Variants in QTMAN observed in about 807,000 individuals in gnomAD.
The protein encoded by QTMAN is queuosine-tRNA mannosyltransferase, also known as tRNA-queuosine alpha-mannosyltransferase.
At chr2:144,019,435 GGTGTGT>G in the QTMAN span, among the ~76,000 whole-genome samples, 1,852 of 117,244 alleles carry the variant, frequency 0.016, 30 homozygotes, top group African/African-American at 0.022. Flanking sequence ...TAAGCATGCA[GGTGTGT>G]GTGTGTGTGT....
chr2:144,239,204 C>T, the QTMAN span, among the ~76,000 whole-genome samples: 1 of 151,014 alleles, frequency 6.6e-6, no homozygotes, highest in Non-Finnish European at 1.5e-5. Flanking sequence ...AAAGTGGATG[C>T]TACAAGCTAT....
chr2:144,066,884 C>T, the QTMAN span, among the ~76,000 whole-genome samples: 2 of 152,190 alleles, frequency 1.3e-5, no homozygotes, highest in African/African-American at 4.8e-5. Flanking sequence ...TCCAATCCCT[C>T]CAAATCTGTT....
chr2:144,212,142 A>G, the QTMAN span, among the ~76,000 whole-genome samples: 3 of 152,212 alleles, frequency 2.0e-5, no homozygotes, highest in South Asian at 6.2e-4. Context: ...GAAACCTTAA[A>G]TTATGAAACA....
the QTMAN span, among the ~76,000 whole-genome samples, chr2:143,985,769 A>G: frequency 6.6e-6 from 1 of 152,210 alleles, no homozygotes; most frequent in Admixed American, 6.5e-5. Context: ...AAGGAGCAGA[A>G]CTAAGAAATT....
At chr2:144,250,585 C>T in the QTMAN span, among the ~76,000 whole-genome samples, 6 of 152,084 alleles carry the variant, frequency 3.9e-5, no homozygotes, top group South Asian at 1.2e-3. Flanking sequence ...GTTTCTGACA[C>T]AAGGTTAAAC....
chr2:144,031,188 GTTA>G, the QTMAN span, among the ~76,000 whole-genome samples: 56 of 148,752 alleles, frequency 3.8e-4, no homozygotes, highest in Non-Finnish European at 6.5e-4. Context: ...CCTGACAACT[GTTA>G]TTTTTTTTTT....
the QTMAN span, among the ~76,000 whole-genome samples, chr2:144,010,453 A>T: frequency 4.7e-4 from 72 of 152,234 alleles, no homozygotes; most frequent in South Asian, 0.011. Flanking sequence ...CACAAAATTG[A>T]AACAAATCAA....
At chr2:144,250,587 A>G in the QTMAN span, among the ~76,000 whole-genome samples, 1 of 152,120 alleles carries the variant, frequency 6.6e-6, no homozygotes, top group African/African-American at 2.4e-5. Context: ...TTCTGACACA[A>G]GGTTAAACAT....
At chr2:144,188,774 T>C in the QTMAN span, among the ~76,000 whole-genome samples, 3 of 141,226 alleles carry the variant, frequency 2.1e-5, no homozygotes, top group African/African-American at 7.8e-5. Flanking sequence ...TAAAATAGCA[T>C]TCTTTTAAAA....
At chr2:144,095,599 G>A in the QTMAN span, among the ~76,000 whole-genome samples, 2 of 151,948 alleles carry the variant, frequency 1.3e-5, no homozygotes, top group Non-Finnish European at 2.9e-5. Flanking sequence ...AGAAAAATTA[G>A]GTATAATACC....
At chr2:143,956,435 A>C in the QTMAN span, among the ~76,000 whole-genome samples, 1 of 152,156 alleles carries the variant, frequency 6.6e-6, no homozygotes, top group Non-Finnish European at 1.5e-5. Flanking sequence ...CTGTATATGT[A>C]TATTATATGC....
chr2:144,221,229 A>G, the QTMAN span, among the ~76,000 whole-genome samples: 1 of 152,210 alleles, frequency 6.6e-6, no homozygotes, highest in Non-Finnish European at 1.5e-5. Context: ...TAATACAAAA[A>G]GCTTGAAAAC....
At chr2:144,155,712 T>A in the QTMAN span, among the ~76,000 whole-genome samples, 1 of 152,152 alleles carries the variant, frequency 6.6e-6, no homozygotes, top group African/African-American at 2.4e-5. Context: ...CAGAGCACTA[T>A]CCACAAGTAA....
chr2:144,065,901 T>C, the QTMAN span, among the ~76,000 whole-genome samples: 433 of 151,972 alleles, frequency 2.8e-3, 4 homozygotes, highest in African/African-American at 9.9e-3. Flanking sequence ...TGGGTAGTGG[T>C]TGAGATGTCC....
chr2:144,198,740 A>G, the QTMAN span, among the ~76,000 whole-genome samples: 5 of 152,196 alleles, frequency 3.3e-5, no homozygotes, highest in South Asian at 6.2e-4. Flanking sequence ...AATGCTGCCC[A>G]TCACCTATAG....
chr2:144,140,729 T>C, the QTMAN span, among the ~76,000 whole-genome samples: 1 of 151,978 alleles, frequency 6.6e-6, no homozygotes, highest in Non-Finnish European at 1.5e-5. Context: ...GAAATTGAAA[T>C]CAGAAGTCAT....
At chr2:144,195,094 T>C in the QTMAN span, among the ~76,000 whole-genome samples, 11 of 152,206 alleles carry the variant, frequency 7.2e-5, 1 homozygote, top group South Asian at 2.1e-3. Context: ...GTAAAACAGG[T>C]GATAATAGAA....
At chr2:144,220,671 C>T in the QTMAN span, among the ~76,000 whole-genome samples, 1 of 152,270 alleles carries the variant, frequency 6.6e-6, no homozygotes, top group Non-Finnish European at 1.5e-5. Flanking sequence ...GTTAATTCCC[C>T]CTTGCATCTC....
At chr2:144,244,840 C>T in the QTMAN span, among the ~76,000 whole-genome samples, 2 of 151,898 alleles carry the variant, frequency 1.3e-5, no homozygotes, top group Non-Finnish European at 2.9e-5. Flanking sequence ...TGAGAAATAC[C>T]GTTCATATGT....
Sources: gnomAD v4.1 joint callset for allele counts (sites outside exome capture counted in the v4.1 genomes callset) on GRCh38, gnomAD v4.1.1 for gene constraint, MANE v1.5 for transcripts, NCBI Gene and HGNC (gene_info 2026-07-23, HGNC 2026-07-21) for gene names.